The following IGSF3 variants were observed in gnomAD, a reference collection of about 807,000 sequenced individuals.
IGSF3 encodes the protein immunoglobulin superfamily member 3.
IGSF3 carries 23 observed loss-of-function variants against 114.4 expected under a neutral mutation model. The observed-to-expected ratio is 0.20, with a 90% CI of 0.14 to 0.28. The LOEUF is 0.28. Among genes scored for constraint, IGSF3 ranks in the 10% least tolerant of loss-of-function variants. The pLI is 1.00. For missense variants in IGSF3, 1,172 were observed against 1,591.5 expected, an observed-to-expected ratio of 0.74 and a Z score of 4.48; for synonymous variants, 571 against 645.2, an observed-to-expected ratio of 0.88 and a Z score of 1.74.
At position 116,594,341 on chromosome 1, in the gene IGSF3, T is replaced by C. The variant is rs1437071418; in HGVS notation, c.2030-5237A>G. ...AATATAGCAAATTTTAAAGATATGA[T>C]TAGGAATGTTATATTGTATATGAAT... On this transcript the variant is annotated intron_variant, in intron 7 of 10. Transcript: ENST00000369486. The surrounding 1 kb of genome is among the most constrained non-coding windows in gnomAD (Gnocchi z 5.2). 6.6e-6 allele frequency among the ~76,000 whole-genome samples: 1 copy of C among 152,220 alleles called. No individual in the cohort carries two copies. Among genetic ancestry groups the C allele is most frequent in the Non-Finnish European group, 1.5e-5 (1 of 68,032 alleles).
chr1:116,630,375 T>G (rs539488671), intron 2 of IGSF3, among the ~76,000 whole-genome samples: 11 of 152,242 alleles, frequency 7.2e-5, no homozygotes, highest in Non-Finnish European at 1.5e-4. Context: ...ACTGAGTGCC[T>G]GCTGAATTCC....
chr1:116,587,978 C>A (rs1659924972), intron 8 of IGSF3, among the ~76,000 whole-genome samples: 1 of 152,156 alleles, frequency 6.6e-6, no homozygotes, highest in Admixed American at 6.5e-5. Flanking sequence ...GCATACATTT[C>A]ATGTATTTGA....
In IGSF3 at chr1:116,588,975, T is replaced by C. The variant is rs1446016305; in HGVS notation, c.2159A>G (p.His720Arg). 1 of 1,614,118 alleles carries C rather than the reference T, an allele frequency of 6.2e-7. No individual in the cohort carries two copies. Among genetic ancestry groups the C allele is most frequent in the Non-Finnish European group, 8.5e-7 (1 of 1,180,044 alleles). Residue 720 changes from histidine to arginine, a missense_variant, in exon 8 of 11, where the codon CAC becomes CGC. Physicochemically the swap from His to Arg is conservative, Grantham distance 29. Coordinates refer to ENST00000369486, the MANE Select transcript of IGSF3 (RefSeq NM_001007237.3). This position sits in a 1 kb window ranked among gnomAD's most constrained non-coding sequence, Gnocchi z 4.9. ...NSHFAVLWYV[H>R]KPSDADGKLI... ...CTTGCCATCGGCATCCGAGGGCTTG[T>C]GGACATACCAGAGCACCGCAAAGTG...
chr1:116,592,341 T>A lies in IGSF3; in HGVS notation c.2030-3237A>T, dbSNP rs1246807794. Among the ~76,000 whole-genome samples the A allele has an allele frequency of 6.6e-6, 1 of 152,184 alleles. No individual in the cohort carries two copies. The highest frequency in any genetic ancestry group is 1.5e-5 in the Non-Finnish European group (1 of 68,034). On this transcript the variant is annotated intron_variant, in intron 7 of 10. Coordinates refer to ENST00000369486, the MANE Select transcript of IGSF3 (RefSeq NM_001007237.3). The surrounding 1 kb of genome is among the most constrained non-coding windows in gnomAD (Gnocchi z 4.5). ...GTGAATTGGCAGGAGGAAGAAAGAA[T>A]CCAGCAAGAGACAGGAAGAGGGTCC... is the stretch of plus-strand genomic sequence containing the variant.
chr1:116,640,729 T>C (rs6658522), intron 2 of IGSF3, among the ~76,000 whole-genome samples: 73,119 of 151,902 alleles, frequency 0.48, 20,446 homozygotes, highest in African/African-American at 0.78. Context: ...TCCAACTTTT[T>C]ATTGCAATAA....
In IGSF3 at chr1:116,647,260, T is replaced by C. The variant is rs1171679091; in HGVS notation, c.43+19024A>G. 1.3e-5 allele frequency among the ~76,000 whole-genome samples: 2 copies of C among 152,210 alleles called. No individual in the cohort carries two copies. Among genetic ancestry groups the C allele is most frequent in the African/African-American group, 2.4e-5 (1 of 41,446 alleles). On this transcript the variant is annotated intron_variant, in intron 2 of 10. Coordinates refer to ENST00000369486, the MANE Select transcript of IGSF3 (RefSeq NM_001007237.3). The surrounding 1 kb of genome is among the most constrained non-coding windows in gnomAD (Gnocchi z 4.6). ...GTCTGAGGCTGGCGTGAGTGCTCCA[T>C]GCTCAGAGATACCTAGAACCCAGCT...
rs748172660 is a variant in IGSF3 at position 116,579,651 on chromosome 1, G to GTCA, written c.3074_3075insTGA (p.Asp1026dup). 8 of 1,586,724 alleles carry GTCA rather than the reference G, an allele frequency of 5.0e-6. No individual in the cohort carries two copies. The highest frequency in any genetic ancestry group is 1.7e-5 in the Admixed American group (1 of 57,838). On this transcript the variant is annotated inframe_insertion, in exon 10 of 11. Coordinates refer to ENST00000369486, the MANE Select transcript of IGSF3 (RefSeq NM_001007237.3). The surrounding 1 kb of genome is among the most constrained non-coding windows in gnomAD (Gnocchi z 6.4). ...GCAGGGCCGTCCGCTCTGTTGGGTC[G>GTCA]TCGTCGTCGTCGTCGTCCTCCTCCT...
rs1217479563 is a variant in IGSF3, at chr1:116,628,733, T to C, written c.44-12276A>G. 2.6e-5 allele frequency among the ~76,000 whole-genome samples: 4 copies of C among 152,256 alleles called. No individual in the cohort carries two copies. The East Asian group carries it at 7.7e-4, about 29-fold the overall frequency. Reference sequence around the variant, plus strand: ...TATGATAATAATGGATGGCCGCTCCTTCCCCCTCAGCTTTGACTTTCATTG... The same window carrying C: ...TATGATAATAATGGATGGCCGCTCCCTCCCCCTCAGCTTTGACTTTCATTG... On this transcript the variant is annotated intron_variant, in intron 2 of 10. Transcript: ENST00000369486. The surrounding 1 kb of genome is among the most constrained non-coding windows in gnomAD (Gnocchi z 4.2).
chr1:116,656,293 CTTTTTTTTTT>C (rs56148691), intron 2 of IGSF3, among the ~76,000 whole-genome samples: 4 of 62,472 alleles, frequency 6.4e-5, no homozygotes, highest in East Asian at 4.3e-4. Flanking sequence ...TTTCTACATT[CTTTTTTTTTT>C]TTTTTTTTTT....
chr1:116,664,619 T>A lies in IGSF3; in HGVS notation c.43+1665A>T, dbSNP rs1194082861. ...TAATTGCTGATTTAAACCCAGACACTAAGCGAATGACACATACAGTACAAC... is the reference window on the plus strand; with the variant it reads ...TAATTGCTGATTTAAACCCAGACACAAAGCGAATGACACATACAGTACAAC... On this transcript the variant is annotated intron_variant, in intron 2 of 10. Transcript: ENST00000369486. The surrounding 1 kb of genome is among the most constrained non-coding windows in gnomAD (Gnocchi z 4.6). 2.0e-5 allele frequency among the ~76,000 whole-genome samples: 3 copies of A among 152,186 alleles called. No homozygotes were observed. Among genetic ancestry groups the A allele is most frequent in the African/African-American group, 7.2e-5 (3 of 41,450 alleles).
In IGSF3 at chr1:116,582,838, T is replaced by A. The variant is rs952803362; in HGVS notation, c.2848+1807A>T. Among the ~76,000 whole-genome samples, 1 of 152,250 alleles carries A rather than the reference T, an allele frequency of 6.6e-6. No homozygotes were observed. The highest frequency in any genetic ancestry group is 1.5e-5 in the Non-Finnish European group (1 of 68,050). ...AGTAGATATTTGTAGGCCGTGAGATTATGGCTAACCTTTCTTTTCAAAATT... is the reference window on the plus strand; with the variant it reads ...AGTAGATATTTGTAGGCCGTGAGATAATGGCTAACCTTTCTTTTCAAAATT... On this transcript the variant is annotated intron_variant, in intron 9 of 10. Transcript: ENST00000369486. This position sits in a 1 kb window ranked among gnomAD's most constrained non-coding sequence, Gnocchi z 4.7.
chr1:116,664,530 C>T lies in IGSF3; in HGVS notation c.43+1754G>A, dbSNP rs1649251479. ...TTTCCCGCCTTAGCCACACACCCCACCCCACATCCAAACCTCCCCAAGGGC... is the reference window on the plus strand; with the variant it reads ...TTTCCCGCCTTAGCCACACACCCCATCCCACATCCAAACCTCCCCAAGGGC... On this transcript the variant is annotated intron_variant, in intron 2 of 10. Coordinates refer to ENST00000369486, the MANE Select transcript of IGSF3 (RefSeq NM_001007237.3). This position sits in a 1 kb window ranked among gnomAD's most constrained non-coding sequence, Gnocchi z 4.6. Among the ~76,000 whole-genome samples the T allele has an allele frequency of 2.0e-5, 3 of 152,224 alleles. No individual in the cohort carries two copies. The highest frequency in any genetic ancestry group is 6.5e-5 in the Admixed American group (1 of 15,280).
chr1:116,577,558 G>A lies in IGSF3; in HGVS notation c.3339C>T (p.Pro1113=), dbSNP rs1659405483. 6.2e-7 allele frequency: 1 copy of A among 1,613,656 alleles called. No individual in the cohort carries two copies. Among genetic ancestry groups the A allele is most frequent in the African/African-American group, 1.3e-5 (1 of 74,882 alleles). Residue 1113 remains proline, a synonymous_variant, in exon 11 of 11, where the codon CCC becomes CCT. Transcript: ENST00000369486. This position sits in a 1 kb window ranked among gnomAD's most constrained non-coding sequence, Gnocchi z 5.7. ...TGGAGCAGATGATGGACTGGAGGGT[G>A]GGACCTGAAAAGAATCATGAGAGAG... ...PIGIRVLDTS[P]TLQSIICSND...
rs1659350537 is a variant in IGSF3, at chr1:116,576,523, T to TAAA, written c.*788_*789insTTT. ...TGGAAAGTGTGTGCCGTTTGGGGCT[T>TAAA]CTGACCCATTCTCCAAGACAGTTTT... On this transcript the variant is annotated 3_prime_UTR_variant, in exon 11 of 11. Coordinates refer to ENST00000369486, the MANE Select transcript of IGSF3 (RefSeq NM_001007237.3). The surrounding 1 kb of genome is among the most constrained non-coding windows in gnomAD (Gnocchi z 4.6). The TAAA allele has an allele frequency of 1.3e-5, 2 of 152,642 alleles. No homozygotes were observed. Among genetic ancestry groups the TAAA allele is most frequent in the Non-Finnish European group, 1.5e-5 (1 of 68,038 alleles). The allele number at this position is 152,642 out of a possible 1,614,324, so 9.5% of individuals were successfully genotyped here.
rs75796740 is a variant in IGSF3 at position 116,612,510 on chromosome 1, G to A, written c.832+1255C>T. ...GCCTCCAATTGAAGACTTCTGGGAC[G>A]AAGCCCCAAAATGTATACTGTTAGC... On this transcript the variant is annotated intron_variant, in intron 4 of 10. Coordinates refer to ENST00000369486, the MANE Select transcript of IGSF3 (RefSeq NM_001007237.3). The surrounding 1 kb of genome is among the most constrained non-coding windows in gnomAD (Gnocchi z 4.1). Among the ~76,000 whole-genome samples, 5 of 152,134 alleles carry A rather than the reference G, an allele frequency of 3.3e-5. No individual in the cohort carries two copies. Among genetic ancestry groups the A allele is most frequent in the Non-Finnish European group, 5.9e-5 (4 of 68,024 alleles).
rs1265656194 is a variant in IGSF3 at position 116,632,881 on chromosome 1, G to T, written c.44-16424C>A. On this transcript the variant is annotated intron_variant, in intron 2 of 10. Transcript: ENST00000369486. The surrounding 1 kb of genome is among the most constrained non-coding windows in gnomAD (Gnocchi z 5.1). ...TCCATGGCTAGGGACAGTGACATCAGTGTGTTTACCAAGCATTTGATTTAC... is the reference window on the plus strand; with the variant it reads ...TCCATGGCTAGGGACAGTGACATCATTGTGTTTACCAAGCATTTGATTTAC... 6.6e-6 allele frequency among the ~76,000 whole-genome samples: 1 copy of T among 152,364 alleles called. No individual in the cohort carries two copies. Among genetic ancestry groups the T allele is most frequent in the East Asian group, 1.9e-4 (1 of 5,190 alleles).
In IGSF3 at chr1:116,598,511, C is replaced by G. The variant is rs549852617; in HGVS notation, c.2029+1430G>C. On this transcript the variant is annotated intron_variant, in intron 7 of 10. Coordinates refer to ENST00000369486, the MANE Select transcript of IGSF3 (RefSeq NM_001007237.3). The surrounding 1 kb of genome is among the most constrained non-coding windows in gnomAD (Gnocchi z 4.3). ...CACTTGTTCCAAATCTGGTACAGAA[C>G]AGAACTCTGTTATGGGGTTAGAAGA... 5.3e-5 allele frequency among the ~76,000 whole-genome samples: 8 copies of G among 152,310 alleles called. No individual in the cohort carries two copies. In the East Asian group the frequency reaches 1.5e-3, roughly 29 times the overall value.
In IGSF3 at chr1:116,602,375, A is replaced by C. The variant is rs568291781; in HGVS notation, c.1624+1249T>G. Among the ~76,000 whole-genome samples, 8 of 151,720 alleles carry C rather than the reference A, an allele frequency of 5.3e-5. No homozygotes were observed. In the South Asian group the frequency reaches 1.0e-3, roughly 20 times the overall value. On this transcript the variant is annotated intron_variant, in intron 6 of 10. Coordinates refer to ENST00000369486, the MANE Select transcript of IGSF3 (RefSeq NM_001007237.3). ...TTCCAGGATGGTTAAAAAAAAAAAA[A>C]ACACACCAGTACTGGACATCCAAAA... is the stretch of plus-strand genomic sequence containing the variant.
In IGSF3 at chr1:116,585,814, C is replaced by T. The variant is rs373377392; in HGVS notation, c.2441-762G>A. ...GTGTGCGCCTGTAATCCCAGCTACT[C>T]GGGAGGTGAAGGTTGCAGTGAGCTA... On this transcript the variant is annotated intron_variant, in intron 8 of 10. Transcript: ENST00000369486. The surrounding 1 kb of genome is among the most constrained non-coding windows in gnomAD (Gnocchi z 4.9). Among the ~76,000 whole-genome samples the T allele has an allele frequency of 1.1e-4, 17 of 152,106 alleles. No individual in the cohort carries two copies. The highest frequency in any genetic ancestry group is 4.1e-4 in the South Asian group (2 of 4,826).
Sources: gnomAD v4.1 joint callset for allele counts (sites outside exome capture counted in the v4.1 genomes callset) on GRCh38, gnomAD v4.1.1 for gene constraint, Gnocchi (gnomAD v3.1) non-coding constraint, MANE v1.5 for transcripts, NCBI Gene and HGNC (gene_info 2026-07-23, HGNC 2026-07-21) for gene names.